The following ABTB2 variants were observed in gnomAD, a reference collection of about 807,000 sequenced individuals.
ABTB2 encodes ankyrin repeat and BTB domain containing 2, also known as ankyrin repeat and BTB/POZ domain-containing protein 2.
Under a neutral mutation model 104.1 loss-of-function variants are expected in ABTB2, and 56 were observed. That is an observed-to-expected ratio of 0.54 (90% CI 0.43 to 0.67). ABTB2 has a LOEUF of 0.67. ABTB2 is among the 30% of genes least tolerant of loss of function. The probability of loss-of-function intolerance (pLI) is 0.00; values close to 1 mark genes in which losing one functional copy is unlikely to be tolerated. For missense variants in ABTB2, 1,279 were observed against 1,407.7 expected (o/e 0.91, Z 1.46); for synonymous variants, 606 against 608.2 (o/e 1.00, Z 0.05).
At chr11:34,153,773 T>C (rs1013236680) in intron 16 of ABTB2, among the ~76,000 whole-genome samples, 7 of 152,024 alleles carry the variant, frequency 4.6e-5, no homozygotes, top group Admixed American at 3.9e-4. Context: ...GCAGTGGAGA[T>C]GAAGGGAAGT....
chr11:34,267,490 A>G (rs1854265793), intron 1 of ABTB2, among the ~76,000 whole-genome samples: 3 of 152,306 alleles, frequency 2.0e-5, no homozygotes, highest in South Asian at 2.1e-4. Context: ...ACATGTCTGC[A>G]TGTTTGAAAA....
rs182110480 is a variant in ABTB2, at chr11:34,211,681, A to G, written c.884-6991T>C. ...GGCCAAGGCAGGAGGATCACTTGAG[A>G]TCAGGCATTCGAGACCAGCCTGTCC... is the stretch of plus-strand genomic sequence containing the variant. On this transcript the variant is annotated intron_variant, in intron 1 of 16. Transcript: ENST00000435224. 9.6e-3 allele frequency among the ~76,000 whole-genome samples: 1,461 copies of G among 152,060 alleles called. 15 individuals are homozygous for G. Among genetic ancestry groups the G allele is most frequent in the Non-Finnish European group, 0.015 (1,021 of 67,990 alleles).
rs1854064225 is a variant in ABTB2, at chr11:34,252,188, C to T, written c.884-47498G>A. On this transcript the variant is annotated intron_variant, in intron 1 of 16. Transcript: ENST00000435224. This position sits in a 1 kb window ranked among gnomAD's most constrained non-coding sequence, Gnocchi z 5.5. ...TCACCTGACACAGCATGAGCCCCCA[C>T]ACCAGAGCTGGCCAGAGCCCCACGA... Among the ~76,000 whole-genome samples, 1 of 152,212 alleles carries T rather than the reference C, an allele frequency of 6.6e-6. No individual in the cohort carries two copies. The highest frequency in any genetic ancestry group is 1.5e-5 in the Non-Finnish European group (1 of 68,044).
chr11:34,323,234 T>C (rs1855027771), intron 1 of ABTB2, among the ~76,000 whole-genome samples: 1 of 152,172 alleles, frequency 6.6e-6, no homozygotes. Flanking sequence ...AAGGGATACA[T>C]ACTGAAGTAT....
chr11:34,348,812 G>A (rs1189177916), intron 1 of ABTB2, among the ~76,000 whole-genome samples: 2 of 152,120 alleles, frequency 1.3e-5, no homozygotes, highest in Non-Finnish European at 2.9e-5. Flanking sequence ...TATCGCCATT[G>A]CTCCCCTCTT....
At chr11:34,324,816 G>T (rs753674266) in intron 1 of ABTB2, among the ~76,000 whole-genome samples, 2 of 152,130 alleles carry the variant, frequency 1.3e-5, no homozygotes, top group Admixed American at 6.5e-5. Context: ...GCACAAAGAC[G>T]CACAAAGACA....
intron 1 of ABTB2, among the ~76,000 whole-genome samples, chr11:34,308,868 C>CAAAAAAAAAAAAAAAAAAA (rs57658114): frequency 3.6e-4 from 28 of 77,746 alleles, no homozygotes; most frequent in East Asian, 7.4e-4. Context: ...GAAACTGTCT[C>CAAAAAAAAAAAAAAAAAAA]AAAAAAAAAA....
At position 34,186,053 on chromosome 11, in the gene ABTB2, G is replaced by A. The variant is rs149760877; in HGVS notation, c.1244+11272C>T. ...CATGAAATGCTCTGAGCCCTGGTGGGTGGAAAGCTGGAAGGAGGCGTGATG... is the reference window on the plus strand; with the variant it reads ...CATGAAATGCTCTGAGCCCTGGTGGATGGAAAGCTGGAAGGAGGCGTGATG... On this transcript the variant is annotated intron_variant, in intron 3 of 16. Coordinates refer to ENST00000435224, the MANE Select transcript of ABTB2 (RefSeq NM_145804.3). Among the ~76,000 whole-genome samples the A allele has an allele frequency of 7.5e-3, 1,149 of 152,370 alleles. 3 individuals are homozygous for A. The highest frequency in any genetic ancestry group is 0.031 in the Middle Eastern group (9 of 294).
intron 2 of ABTB2, among the ~76,000 whole-genome samples, chr11:34,198,696 T>C (rs971776030): frequency 6.6e-6 from 1 of 152,180 alleles, no homozygotes; most frequent in African/African-American, 2.4e-5. Flanking sequence ...GGTCCCCATA[T>C]CCTGTGATGT....
At chr11:34,199,904 A>G (rs1283196969) in intron 2 of ABTB2, among the ~76,000 whole-genome samples, 5 of 152,092 alleles carry the variant, frequency 3.3e-5, no homozygotes, top group Admixed American at 3.3e-4. Context: ...CCTCTATCCT[A>G]CGGGCCGCCT....
At position 34,217,633 on chromosome 11, in the gene ABTB2, T is replaced by C. The variant is rs565980765; in HGVS notation, c.884-12943A>G. ...CCTGCCACCATGACTGGCTAATTTT[T>C]GTGTTTTTAGTAGAGACGGGGTTTC... On this transcript the variant is annotated intron_variant, in intron 1 of 16. Transcript: ENST00000435224. 2.0e-3 allele frequency among the ~76,000 whole-genome samples: 303 copies of C among 152,198 alleles called. 1 individual carries two copies. The highest frequency in any genetic ancestry group is 6.6e-3 in the African/African-American group (273 of 41,512).
intron 1 of ABTB2, among the ~76,000 whole-genome samples, chr11:34,211,646 C>A (rs1853481455): frequency 6.6e-6 from 1 of 152,020 alleles, no homozygotes; most frequent in African/African-American, 2.4e-5. Context: ...GTAATCCCAG[C>A]ACTTTGGGAG....
At chr11:34,229,388 G>C (rs1042143259) in intron 1 of ABTB2, among the ~76,000 whole-genome samples, 4 of 151,402 alleles carry the variant, frequency 2.6e-5, no homozygotes, top group Admixed American at 6.6e-5. Context: ...GGCTAAGGCA[G>C]GAGAATGGCG....
intron 1 of ABTB2, among the ~76,000 whole-genome samples, chr11:34,345,087 CA>C (rs1855314306): frequency 6.6e-6 from 1 of 152,208 alleles, no homozygotes; most frequent in Non-Finnish European, 1.5e-5. Flanking sequence ...AAATACAAAT[CA>C]GATCAAGTCA....
chr11:34,271,407 G>A (rs1184806020), intron 1 of ABTB2, among the ~76,000 whole-genome samples: 1 of 152,178 alleles, frequency 6.6e-6, no homozygotes, highest in Non-Finnish European at 1.5e-5. Context: ...AGGGAGCTCT[G>A]AGGTAGGAGG....
At chr11:34,256,478 T>C (rs1274067302) in intron 1 of ABTB2, among the ~76,000 whole-genome samples, 2 of 152,158 alleles carry the variant, frequency 1.3e-5, no homozygotes, top group South Asian at 2.1e-4. Flanking sequence ...AACACATCAT[T>C]TGTGGATCCG....
At chr11:34,352,223 T>C (rs1167199643) in intron 1 of ABTB2, among the ~76,000 whole-genome samples, 1 of 152,242 alleles carries the variant, frequency 6.6e-6, no homozygotes, top group Non-Finnish European at 1.5e-5. Flanking sequence ...AAGTGAGATG[T>C]TGAGACTTCT....
At position 34,154,875 on chromosome 11, in the gene ABTB2, C is replaced by T; in HGVS notation, c.2698-106G>A. On this transcript the variant is annotated intron_variant, in intron 14 of 16. Coordinates refer to ENST00000435224, the MANE Select transcript of ABTB2 (RefSeq NM_145804.3). The surrounding 1 kb of genome is among the most constrained non-coding windows in gnomAD (Gnocchi z 4.9). ...CAGCTGCCGCCTCCAGGGGCCTGTCCCTCTGCAGGTCCCCAGCTCTGTCTC... is the reference window on the plus strand; with the variant it reads ...CAGCTGCCGCCTCCAGGGGCCTGTCTCTCTGCAGGTCCCCAGCTCTGTCTC... 1 of 1,060,716 alleles carries T rather than the reference C, an allele frequency of 9.4e-7. No individual in the cohort carries two copies. Among genetic ancestry groups the T allele is most frequent in the Non-Finnish European group, 1.4e-6 (1 of 702,748 alleles). The allele number at this position is 1,060,716 out of a possible 1,614,324, so 65.7% of individuals were successfully genotyped here.
intron 1 of ABTB2, among the ~76,000 whole-genome samples, chr11:34,264,735 T>C (rs1460717552): frequency 1.3e-5 from 2 of 152,218 alleles, no homozygotes; most frequent in East Asian, 3.9e-4. Context: ...GACATTAAAC[T>C]GTTCGAAGCG....
Sources: gnomAD v4.1 joint callset for allele counts (sites outside exome capture counted in the v4.1 genomes callset) on GRCh38, gnomAD v4.1.1 for gene constraint, Gnocchi (gnomAD v3.1) non-coding constraint, MANE v1.5 for transcripts, NCBI Gene and HGNC (gene_info 2026-07-23, HGNC 2026-07-21) for gene names.